The following NRXN3 variants were observed in gnomAD, a reference collection of about 807,000 sequenced individuals.
NRXN3 encodes the protein neurexin III.
A neutral mutation model predicts 137.6 loss-of-function variants in NRXN3; 32 were observed. That is an observed-to-expected ratio of 0.23 (90% CI 0.18 to 0.31). The LOEUF (loss-of-function observed/expected upper bound fraction) is 0.31. Among genes scored for constraint, NRXN3 ranks in the 10% least tolerant of loss-of-function variants. The pLI, the probability that NRXN3 is intolerant of heterozygous loss-of-function variation, is 1.00. For synonymous variants in NRXN3, 798 were observed against 784.5 expected, an observed-to-expected ratio of 1.02 and a Z score of -0.29; for missense variants, 1,574 against 2,062.5, an observed-to-expected ratio of 0.76 and a Z score of 4.59.
At chr14:78,756,605 T>A (rs1389839693) in intron 8 of NRXN3, among the ~76,000 whole-genome samples, 1 of 151,894 alleles carries the variant, frequency 6.6e-6, no homozygotes, top group East Asian at 1.9e-4. Flanking sequence ...ACTTGCTTTT[T>A]AAAATCACAT....
chr14:79,040,113 C>T (rs1859570863), intron 15 of NRXN3, among the ~76,000 whole-genome samples: 2 of 152,164 alleles, frequency 1.3e-5, no homozygotes, highest in African/African-American at 4.8e-5. Context: ...TCCTTTATAG[C>T]AATGACCACA....
intron 4 of NRXN3, among the ~76,000 whole-genome samples, chr14:78,502,553 G>A (rs1157275482): frequency 6.6e-6 from 1 of 152,146 alleles, no homozygotes; most frequent in Non-Finnish European, 1.5e-5. Context: ...TATTTGAATA[G>A]CAATAGCTGG....
chr14:78,657,855 T>A lies in NRXN3; in HGVS notation c.1221+6529T>A, dbSNP rs1052082641. 1.4e-4 allele frequency among the ~76,000 whole-genome samples: 22 copies of A among 152,320 alleles called. No individual in the cohort carries two copies. The East Asian group carries it at 3.7e-3, about 25-fold the overall frequency. Reference sequence around the variant, plus strand: ...TGCTTTTTTTCTTCTTTAAAAAAAATACTCATTTTATTTTACCCTGTCTTG... The same window carrying A: ...TGCTTTTTTTCTTCTTTAAAAAAAAAACTCATTTTATTTTACCCTGTCTTG... On this transcript the variant is annotated intron_variant, in intron 6 of 20. Coordinates refer to ENST00000335750, the MANE Select transcript of NRXN3 (RefSeq NM_001330195.2).
chr14:78,644,053 A>C (rs1317346970), intron 4 of NRXN3, among the ~76,000 whole-genome samples: 1 of 151,124 alleles, frequency 6.6e-6, no homozygotes, highest in East Asian at 2.0e-4. Flanking sequence ...AGGCAGGAGA[A>C]TCGCTTGAAC....
intron 10 of NRXN3, among the ~76,000 whole-genome samples, chr14:78,948,628 C>CTTTTTTTTTTTTTTTTTT (rs201010514): frequency 1.7e-4 from 18 of 108,602 alleles, no homozygotes; most frequent in Non-Finnish European, 3.1e-4. Flanking sequence ...ACACATTTAA[C>CTTTTTTTTTTTTTTTTTT]TTTTTTTTTT....
intron 15 of NRXN3, among the ~76,000 whole-genome samples, chr14:79,358,901 C>A (rs2093585086): frequency 6.6e-6 from 1 of 152,160 alleles, no homozygotes; most frequent in Non-Finnish European, 1.5e-5. Flanking sequence ...TTGTTAATTT[C>A]ATCAACTAGG....
intron 3 of NRXN3, among the ~76,000 whole-genome samples, chr14:78,288,168 C>G (rs1437264828): frequency 6.6e-6 from 1 of 152,130 alleles, no homozygotes; most frequent in East Asian, 1.9e-4. Flanking sequence ...TTAGTAGAGA[C>G]AGTGTTTTGC....
At chr14:79,525,083 G>A (rs1000696938) in intron 16 of NRXN3, among the ~76,000 whole-genome samples, 4 of 152,140 alleles carry the variant, frequency 2.6e-5, no homozygotes, top group Non-Finnish European at 4.4e-5. Flanking sequence ...GGAAATTGGA[G>A]TAATATTTTT....
intron 15 of NRXN3, among the ~76,000 whole-genome samples, chr14:79,438,491 G>A (rs1372345840): frequency 6.6e-6 from 1 of 152,106 alleles, no homozygotes; most frequent in Non-Finnish European, 1.5e-5. Context: ...TTAATGTATG[G>A]ATTTTCTGTC....
At chr14:79,024,979 C>T (rs2099595710) in intron 15 of NRXN3, among the ~76,000 whole-genome samples, 1 of 152,142 alleles carries the variant, frequency 6.6e-6, no homozygotes, top group Admixed American at 6.6e-5. Flanking sequence ...TAAAGTCCTA[C>T]AGTATAAATG....
At chr14:79,192,586 G>A (rs1331710392) in intron 15 of NRXN3, among the ~76,000 whole-genome samples, 9 of 151,944 alleles carry the variant, frequency 5.9e-5, no homozygotes. Flanking sequence ...AAAAGAAAAA[G>A]TCACTTCACT....
At chr14:78,490,054 G>A (rs374187254) in intron 4 of NRXN3, among the ~76,000 whole-genome samples, 24 of 151,986 alleles carry the variant, frequency 1.6e-4, no homozygotes, top group African/African-American at 2.9e-4. Context: ...AGCTGGGACT[G>A]CAGGCACATG....
chr14:79,308,088 C>T (rs998034986), intron 15 of NRXN3, among the ~76,000 whole-genome samples: 1 of 152,024 alleles, frequency 6.6e-6, no homozygotes, highest in Non-Finnish European at 1.5e-5. Flanking sequence ...ATGATTGAGG[C>T]TCATGCATCT....
intron 15 of NRXN3, among the ~76,000 whole-genome samples, chr14:79,165,397 T>C (rs1438245645): frequency 6.6e-6 from 1 of 152,122 alleles, no homozygotes; most frequent in African/African-American, 2.4e-5. Flanking sequence ...CACAAAGTTG[T>C]GGCACAATGC....
At chr14:79,622,282 G>A (rs2098232671) in intron 16 of NRXN3, among the ~76,000 whole-genome samples, 1 of 152,168 alleles carries the variant, frequency 6.6e-6, no homozygotes, top group Non-Finnish European at 1.5e-5. Flanking sequence ...TGATCCTTTT[G>A]TCAGTGGAAA....
chr14:79,841,289 A>C (rs2099355269), intron 20 of NRXN3, among the ~76,000 whole-genome samples: 2 of 152,130 alleles, frequency 1.3e-5, no homozygotes, highest in Admixed American at 1.3e-4. Flanking sequence ...GTAAAAGAGG[A>C]TGTTTGCAAG....
chr14:79,232,257 C>T (rs113920862), intron 15 of NRXN3, among the ~76,000 whole-genome samples: 10 of 151,834 alleles, frequency 6.6e-5, no homozygotes, highest in Non-Finnish European at 1.0e-4. Context: ...TGTGTGCGCG[C>T]GCACGTGTGT....
intron 20 of NRXN3, among the ~76,000 whole-genome samples, chr14:79,859,165 C>T (rs898420736): frequency 3.9e-5 from 6 of 152,004 alleles, no homozygotes; most frequent in African/African-American, 1.4e-4. Flanking sequence ...TTTTAAATTT[C>T]ATAGTAAAAT....
chr14:79,273,400 C>A (rs1371107183), intron 15 of NRXN3, among the ~76,000 whole-genome samples: 1 of 151,674 alleles, frequency 6.6e-6, no homozygotes, highest in Non-Finnish European at 1.5e-5. Flanking sequence ...TTTGGGAGGC[C>A]AAGACGAGCG....
Sources: gnomAD v4.1 joint callset for allele counts (sites outside exome capture counted in the v4.1 genomes callset) on GRCh38, gnomAD v4.1.1 for gene constraint, MANE v1.5 for transcripts, NCBI Gene and HGNC (gene_info 2026-07-23, HGNC 2026-07-21) for gene names.